The following RBFOX1 variants were observed in gnomAD, a reference collection of about 807,000 sequenced individuals.
RBFOX1 encodes RNA binding fox-1 homolog 1.
In RBFOX1, 8 loss-of-function variants were observed where a neutral mutation model predicts 57.7. The observed-to-expected ratio is 0.14, with a 90% CI of 0.08 to 0.25. The LOEUF (loss-of-function observed/expected upper bound fraction) is 0.25. Among genes scored for constraint, RBFOX1 ranks in the 10% least tolerant of loss-of-function variants. The probability of loss-of-function intolerance (pLI) is 1.00; values close to 1 mark genes in which losing one functional copy is unlikely to be tolerated. For missense variants in RBFOX1, 611 were observed against 548.5 expected, an observed-to-expected ratio of 1.11 and a Z score of -1.14; for synonymous variants, 326 against 222.4, an observed-to-expected ratio of 1.47 and a Z score of -4.15.
At chr16:7,282,994 C>A (rs1259812158) in intron 4 of RBFOX1, among the ~76,000 whole-genome samples, 1 of 152,116 alleles carries the variant, frequency 6.6e-6, no homozygotes, top group Non-Finnish European at 1.5e-5. Context: ...TTCTTCAATG[C>A]ACTCATTGGT....
rs140005160 is a variant in RBFOX1, at chr16:6,720,709, G to C, written c.-16+66059G>C. The stretch of plus-strand genomic sequence containing the variant: ...CTAGAGAGACCAGGGTGGTGGGTCA[G>C]CTGGGACACACATGAATGATTGGAA... On this transcript the variant is annotated intron_variant, in intron 3 of 15. Coordinates refer to ENST00000550418, the MANE Select transcript of RBFOX1 (RefSeq NM_018723.4). Among the ~76,000 whole-genome samples the C allele has an allele frequency of 4.5e-3, 689 of 152,320 alleles. 2 individuals are homozygous for C. Among genetic ancestry groups the C allele is most frequent in the African/African-American group, 0.016 (651 of 41,568 alleles).
At position 6,158,156 on chromosome 16, in the gene RBFOX1, A is replaced by G; in HGVS notation, c.-127+138164A>G. Among the ~76,000 whole-genome samples the G allele has an allele frequency of 1.3e-5, 2 of 152,166 alleles. 1 individual carries two copies. Among genetic ancestry groups the G allele is most frequent in the Non-Finnish European group, 2.9e-5 (2 of 68,030 alleles). ...TTCTGGGCAACCAATAATGATGTCC[A>G]CTTTAGTCACTAGGTATCAGACACA... is the stretch of plus-strand genomic sequence containing the variant. On this transcript the variant is annotated intron_variant, in intron 1 of 15. Transcript: ENST00000550418.
chr16:5,716,385 C>T (rs1397721936), intron 3 of RBFOX1, among the ~76,000 whole-genome samples: 2 of 152,148 alleles, frequency 1.3e-5, no homozygotes, highest in Admixed American at 1.3e-4. Flanking sequence ...TTTCCTGATC[C>T]TCTCCCTCCT....
intron 1 of RBFOX1, among the ~76,000 whole-genome samples, chr16:6,253,125 C>A (rs1372190335): frequency 6.6e-6 from 1 of 152,286 alleles, no homozygotes; most frequent in East Asian, 1.9e-4. Context: ...CATACACACA[C>A]TTACATCTCT....
rs111505696 is a variant in RBFOX1, at chr16:7,327,720, G to T, written c.28-190427G>T. 9.3e-3 allele frequency among the ~76,000 whole-genome samples: 1,416 copies of T among 152,266 alleles called. 17 individuals carry two copies. The highest frequency in any genetic ancestry group is 0.031 in the African/African-American group (1,298 of 41,538). On this transcript the variant is annotated intron_variant, in intron 4 of 15. Coordinates refer to ENST00000550418, the MANE Select transcript of RBFOX1 (RefSeq NM_018723.4). ...TCGCAGATATGATTATTGGTACAAA[G>T]AAATGTGGCTCAACATGCCTAGATC...
chr16:5,347,505 GTCT>G (rs1362124868), intron 1 of RBFOX1, among the ~76,000 whole-genome samples: 5 of 152,224 alleles, frequency 3.3e-5, no homozygotes, highest in Admixed American at 3.3e-4. Flanking sequence ...CATGTCATGT[GTCT>G]TCTTATTTCC....
intron 1 of RBFOX1, among the ~76,000 whole-genome samples, chr16:6,277,602 G>T (rs1440742310): frequency 1.3e-5 from 2 of 150,366 alleles, no homozygotes; most frequent in African/African-American, 4.9e-5. Flanking sequence ...TGAGGTCGAG[G>T]CTGCAGTGAG....
intron 2 of RBFOX1, among the ~76,000 whole-genome samples, chr16:6,580,168 A>G (rs1321900696): frequency 6.6e-6 from 1 of 152,134 alleles, no homozygotes; most frequent in African/African-American, 2.4e-5. Context: ...CATGTCAGCC[A>G]GGCTGGTCTC....
intron 2 of RBFOX1, among the ~76,000 whole-genome samples, chr16:6,409,819 C>G (rs994848415): frequency 1.3e-5 from 2 of 152,182 alleles, no homozygotes; most frequent in African/African-American, 4.8e-5. Flanking sequence ...GCTTCATACA[C>G]TGCTCAGTTT....
At chr16:6,802,527 G>T (rs975104861) in intron 3 of RBFOX1, among the ~76,000 whole-genome samples, 1 of 152,000 alleles carries the variant, frequency 6.6e-6, no homozygotes, top group African/African-American at 2.4e-5. Flanking sequence ...AAATACAAAA[G>T]TTACTCGGGC....
chr16:5,611,854 G>T (rs1193627375), intron 3 of RBFOX1, among the ~76,000 whole-genome samples: 3 of 134,070 alleles, frequency 2.2e-5, no homozygotes, highest in Non-Finnish European at 1.5e-5. Context: ...GCTACTGTGT[G>T]CAGTAGCTCA....
intron 1 of RBFOX1, among the ~76,000 whole-genome samples, chr16:6,028,666 G>C (rs1361284759): frequency 2.0e-5 from 3 of 152,006 alleles, no homozygotes; most frequent in Non-Finnish European, 1.5e-5. Context: ...TGGCAACAGA[G>C]CAAGACCCTA....
chr16:6,733,273 G>T (rs1178196699), intron 3 of RBFOX1, among the ~76,000 whole-genome samples: 2 of 152,096 alleles, frequency 1.3e-5, no homozygotes, highest in Non-Finnish European at 2.9e-5. Context: ...CAGTGTGATA[G>T]AAACAAATAT....
chr16:6,083,527 A>G (rs560975395), intron 1 of RBFOX1, among the ~76,000 whole-genome samples: 1 of 152,172 alleles, frequency 6.6e-6, no homozygotes, highest in African/African-American at 2.4e-5. Flanking sequence ...CCCAGGCTGG[A>G]GGGCAGTGGC....
chr16:6,495,644 C>T (rs1180237717), intron 2 of RBFOX1, among the ~76,000 whole-genome samples: 3 of 152,174 alleles, frequency 2.0e-5, no homozygotes, highest in African/African-American at 4.8e-5. Flanking sequence ...TTTATTTGGC[C>T]GTTTCAGACA....
At chr16:5,390,325 G>T (rs1417823988) in intron 1 of RBFOX1, among the ~76,000 whole-genome samples, 1 of 142,394 alleles carries the variant, frequency 7.0e-6, no homozygotes, top group African/African-American at 2.6e-5. Context: ...GTGTTGCTGT[G>T]TCACCCAGGC....
chr16:7,393,514 C>A (rs571429761), intron 4 of RBFOX1, among the ~76,000 whole-genome samples: 1 of 152,208 alleles, frequency 6.6e-6, no homozygotes, highest in South Asian at 2.1e-4. Flanking sequence ...AGGGATAATG[C>A]CATGCCTGAG....
intron 4 of RBFOX1, among the ~76,000 whole-genome samples, chr16:5,919,711 A>T (rs961284873): frequency 6.6e-6 from 1 of 152,108 alleles, no homozygotes; most frequent in Non-Finnish European, 1.5e-5. Flanking sequence ...CACCACCTTG[A>T]TCTCGTTTCA....
intron 4 of RBFOX1, among the ~76,000 whole-genome samples, chr16:7,408,276 A>G (rs1431286919): frequency 6.6e-6 from 1 of 152,212 alleles, no homozygotes; most frequent in African/African-American, 2.4e-5. Flanking sequence ...TTAGTGAGAT[A>G]AATTGTGCTT....
Sources: allele counts gnomAD v4.1 joint callset (sites outside exome capture counted in the v4.1 genomes callset), GRCh38; gene constraint gnomAD v4.1.1; transcripts MANE v1.5; gene names NCBI Gene and HGNC (gene_info 2026-07-23, HGNC 2026-07-21).